The following NAGS variants were observed in gnomAD, a reference collection of about 807,000 sequenced individuals.
The protein encoded by NAGS is N-acetylglutamate synthase, mitochondrial.
A neutral mutation model predicts 46.9 loss-of-function variants in NAGS; 34 were observed. The ratio of observed to expected loss-of-function variants is 0.72; its 90% CI spans 0.55 to 0.97. The LOEUF (loss-of-function observed/expected upper bound fraction) is 0.97. NAGS is among the 50% of genes least tolerant of loss of function. NAGS has a pLI of 0.00. For synonymous variants in NAGS, 334 were observed against 346.3 expected, an observed-to-expected ratio of 0.96 and a Z score of 0.39; for missense variants, 665 against 747.0, an observed-to-expected ratio of 0.89 and a Z score of 1.28.
chr17:44,007,486 C>T lies in NAGS; in HGVS notation c.1260C>T (p.Val420=). The part of the protein sequence containing the change: ...SLRPRLHSIY[V]SEGYNAAAIL... The stretch of plus-strand genomic sequence containing the variant: ...GCCCGCGGCTGCACTCCATCTACGT[C>T]TCCGAGGGGTAAGCCTGCGGACCCC... The change falls in exon 5 of 7, where the codon GTC becomes GTT. Residue 420 remains valine (V), a synonymous_variant. Coordinates refer to ENST00000293404, the MANE Select transcript of NAGS (RefSeq NM_153006.3). The surrounding 1 kb of genome is among the most constrained non-coding windows in gnomAD (Gnocchi z 5.1). The T allele has an allele frequency of 6.2e-7, 1 of 1,613,764 alleles. No homozygotes were observed. The highest frequency in any genetic ancestry group is 8.5e-7 in the Non-Finnish European group (1 of 1,179,978).
Position 44,007,666 on chromosome 17 carries a change from C to T in NAGS, c.1344C>T (p.Ser448=). The T allele has an allele frequency of 1.2e-6, 2 of 1,602,486 alleles. No homozygotes were observed. The highest frequency in any genetic ancestry group is 1.7e-6 in the Non-Finnish European group (2 of 1,174,412). ...CGTACCTGGACAAATTTGTGGTGAG[C>T]TCCAGCCGCCAGGGCCAAGGCTCCG... ...GTPYLDKFVV[S]SSRQGQGSGQ... is the part of the protein sequence containing the mutation. Residue 448 remains serine (S), a synonymous_variant, in exon 6 of 7, where the codon AGC becomes AGT. Coordinates refer to ENST00000293404, the MANE Select transcript of NAGS (RefSeq NM_153006.3). This position sits in a 1 kb window ranked among gnomAD's most constrained non-coding sequence, Gnocchi z 5.1.
Position 44,004,957 on chromosome 17 carries a change from C to T in NAGS, c.294C>T (p.Gly98=). 6.5e-7 allele frequency: 1 copy of T among 1,538,176 alleles called. No individual in the cohort carries two copies. The part of the protein sequence containing the change: ...VPHESPEPPS[G]RSLVQRDIQA... ...ACGAGTCCCCAGAGCCTCCTTCGGGCCGCTCGCTGGTGCAGCGGGACATCC... is the reference window on the plus strand; with the variant it reads ...ACGAGTCCCCAGAGCCTCCTTCGGGTCGCTCGCTGGTGCAGCGGGACATCC... Residue 98 remains glycine, a synonymous_variant, in exon 1 of 7, where the codon GGC becomes GGT. Transcript: ENST00000293404.
At position 44,006,407 on chromosome 17, in the gene NAGS, C is replaced by G; in HGVS notation, c.916-122C>G. The G allele has an allele frequency of 1.3e-6, 2 of 1,486,358 alleles. No homozygotes were observed. The highest frequency in any genetic ancestry group is 1.8e-6 in the Non-Finnish European group (2 of 1,093,640). 92.1% of individuals were successfully genotyped at this position (1,486,358 alleles called of 1,614,324 possible). A position where few individuals can be genotyped will look rare whatever the true frequency, so the allele number is the denominator to read the frequency against. On this transcript the variant is annotated intron_variant, in intron 3 of 6. Coordinates refer to ENST00000293404, the MANE Select transcript of NAGS (RefSeq NM_153006.3). This position sits in a 1 kb window ranked among gnomAD's most constrained non-coding sequence, Gnocchi z 4.8. ...CCTGGGTGCCCAGATCTGCGCCCTCCCTGGCTAAGGACTCCGGGCGGAAGT... is the reference window on the plus strand; with the variant it reads ...CCTGGGTGCCCAGATCTGCGCCCTCGCTGGCTAAGGACTCCGGGCGGAAGT...
In NAGS at chr17:44,005,214, G is replaced by A; in HGVS notation, c.426+125G>A. On this transcript the variant is annotated intron_variant, in intron 1 of 6. Transcript: ENST00000293404. The surrounding 1 kb of genome is among the most constrained non-coding windows in gnomAD (Gnocchi z 7.2). Reference sequence around the variant, plus strand: ...CGGAAGCGGGAAGGAGCCCGGCAGGGCCCAGACCAGCGCCGCCGGGAATGG... The same window carrying A: ...CGGAAGCGGGAAGGAGCCCGGCAGGACCCAGACCAGCGCCGCCGGGAATGG... The A allele has an allele frequency of 6.9e-7, 1 of 1,440,236 alleles. No homozygotes were observed. Among genetic ancestry groups the A allele is most frequent in the Non-Finnish European group, 9.1e-7 (1 of 1,099,170 alleles). The allele number at this position is 1,440,236 out of a possible 1,614,324, so 89.2% of individuals were successfully genotyped here. A position where few individuals can be genotyped will look rare whatever the true frequency, so the allele number is the denominator to read the frequency against.
Position 44,006,464 on chromosome 17 carries a change from C to G in NAGS, c.916-65C>G. The G allele has an allele frequency of 1.9e-6, 3 of 1,540,388 alleles. No individual in the cohort carries two copies. Among genetic ancestry groups the G allele is most frequent in the Non-Finnish European group, 2.6e-6 (3 of 1,141,306 alleles). ...AAAGGGGTCAGAGAAAAGAGAGGTC[C>G]GTGGGGGTAGGGGGGCAGTCCGTGC... is the stretch of plus-strand genomic sequence containing the variant. On this transcript the variant is annotated intron_variant, in intron 3 of 6. Transcript: ENST00000293404. The surrounding 1 kb of genome is among the most constrained non-coding windows in gnomAD (Gnocchi z 4.8).
chr17:44,006,105 C>A lies in NAGS; in HGVS notation c.783C>A (p.Ile261=), dbSNP rs1230274018. 1.2e-6 allele frequency: 2 copies of A among 1,612,752 alleles called. No homozygotes were observed. The highest frequency in any genetic ancestry group is 2.2e-5 in the East Asian group (1 of 44,870). ...GCAGCATCCCCATCCTGTGCCCCATCGGGGAGACGGCCGCGCGCCGCTCCG... is the reference window on the plus strand; with the variant it reads ...GCAGCATCCCCATCCTGTGCCCCATAGGGGAGACGGCCGCGCGCCGCTCCG... The part of the protein sequence containing the change: ...ESGSIPILCP[I]GETAARRSVL... The change falls in exon 3 of 7, where the codon ATC becomes ATA. Residue 261 remains isoleucine, a synonymous_variant. Coordinates refer to ENST00000293404, the MANE Select transcript of NAGS (RefSeq NM_153006.3). The surrounding 1 kb of genome is among the most constrained non-coding windows in gnomAD (Gnocchi z 4.8).
chr17:44,008,382 A>C, intron 6 of NAGS, 66 bp from the exon 7 acceptor site: 3 of 1,575,684 alleles, frequency 1.9e-6, no homozygotes, highest in Non-Finnish European at 2.6e-6. Context: ...TAAAGACAGA[A>C]CCAGTGAGTA....
rs1296765108 is a variant in NAGS at position 44,006,846 on chromosome 17, C to A, written c.1096+137C>A. On this transcript the variant is annotated intron_variant, in intron 4 of 6. Coordinates refer to ENST00000293404, the MANE Select transcript of NAGS (RefSeq NM_153006.3). This position sits in a 1 kb window ranked among gnomAD's most constrained non-coding sequence, Gnocchi z 4.8. ...GAGGCGGGGGGTGTCACAGCAATGG[C>A]TCCTGCTGCTGCCGAAACCCGGGGG... 2 of 917,908 alleles carry A rather than the reference C, an allele frequency of 2.2e-6. No homozygotes were observed. Among genetic ancestry groups the A allele is most frequent in the Non-Finnish European group, 3.2e-6 (2 of 625,134 alleles). 56.9% of individuals were successfully genotyped at this position (917,908 alleles called of 1,614,324 possible).
In NAGS at chr17:44,005,610, G is replaced by A. The variant is rs1426604671; in HGVS notation, c.427-27G>A. The A allele has an allele frequency of 2.5e-6, 4 of 1,606,254 alleles. No individual in the cohort carries two copies. In the South Asian group the frequency reaches 3.3e-5, roughly 13 times the overall value. On this transcript the variant is annotated intron_variant, in intron 1 of 6. Transcript: ENST00000293404. The surrounding 1 kb of genome is among the most constrained non-coding windows in gnomAD (Gnocchi z 7.2). ...AGCCAGCGGCTCAGGTCCGTGTCAC[G>A]CTCCTTGAAAGCCCACTCCTCCGCA...
Position 44,005,926 on chromosome 17 carries a change from T to C in NAGS, c.701+15T>C. The C allele has an allele frequency of 6.5e-7, 1 of 1,547,702 alleles. No individual in the cohort carries two copies. The highest frequency in any genetic ancestry group is 8.7e-7 in the Non-Finnish European group (1 of 1,150,824). On this transcript the variant is annotated intron_variant, in intron 2 of 6. Coordinates refer to ENST00000293404, the MANE Select transcript of NAGS (RefSeq NM_153006.3). This position sits in a 1 kb window ranked among gnomAD's most constrained non-coding sequence, Gnocchi z 7.2. ...CCCCATGCCAGGTGAGTGCCCGCCC[T>C]GCCCGCCCAGGCGTCCTCAGAGCGT...
At position 44,005,507 on chromosome 17, in the gene NAGS, A is replaced by C. The variant is rs2049074042; in HGVS notation, c.427-130A>C. The stretch of plus-strand genomic sequence containing the variant: ...GGGGCAAAGGGCGGAGCAGGTGGGC[A>C]CTGGTGGCCAGAACTGGGTCCTGAC... On this transcript the variant is annotated intron_variant, in intron 1 of 6. Coordinates refer to ENST00000293404, the MANE Select transcript of NAGS (RefSeq NM_153006.3). The surrounding 1 kb of genome is among the most constrained non-coding windows in gnomAD (Gnocchi z 7.2). The C allele has an allele frequency of 3.9e-6, 5 of 1,274,198 alleles. No individual in the cohort carries two copies. Among genetic ancestry groups the C allele is most frequent in the Non-Finnish European group, 5.5e-6 (5 of 911,488 alleles). The allele number at this position is 1,274,198 out of a possible 1,614,324, so 78.9% of individuals were successfully genotyped here. A position where few individuals can be genotyped will look rare whatever the true frequency, so the allele number is the denominator to read the frequency against.
chr17:44,004,885 C>T lies in NAGS; in HGVS notation c.222C>T (p.Val74=), dbSNP rs1263432698. ...CGGACGACGTCTCCCAGTCGCCCGT[C>T]GCCGAGGAGCCGTCGTGGGTGCCGA... ...AGADDVSQSP[V]AEEPSWVPSP... is the part of the protein sequence containing the mutation. Residue 74 remains valine, a synonymous_variant, in exon 1 of 7, where the codon GTC becomes GTT. Transcript: ENST00000293404. 1 of 1,532,248 alleles carries T rather than the reference C, an allele frequency of 6.5e-7. No homozygotes were observed. The highest frequency in any genetic ancestry group is 2.5e-5 in the East Asian group (1 of 40,780). The allele number at this position is 1,532,248 out of a possible 1,614,324, so 94.9% of individuals were successfully genotyped here.
chr17:44,005,231 C>T lies in NAGS; in HGVS notation c.426+142C>T, dbSNP rs886473274. Reference sequence around the variant, plus strand: ...CCGGCAGGGCCCAGACCAGCGCCGCCGGGAATGGGAGAGGCCGTAAGCTCC... The same window carrying T: ...CCGGCAGGGCCCAGACCAGCGCCGCTGGGAATGGGAGAGGCCGTAAGCTCC... On this transcript the variant is annotated intron_variant, in intron 1 of 6. Coordinates refer to ENST00000293404, the MANE Select transcript of NAGS (RefSeq NM_153006.3). The surrounding 1 kb of genome is among the most constrained non-coding windows in gnomAD (Gnocchi z 7.2). 19 of 1,428,334 alleles carry T rather than the reference C, an allele frequency of 1.3e-5. No individual in the cohort carries two copies. The African/African-American group carries it at 2.3e-4, about 17-fold the overall frequency. The allele number at this position is 1,428,334 out of a possible 1,614,324, so 88.5% of individuals were successfully genotyped here. A position where few individuals can be genotyped will look rare whatever the true frequency, so the allele number is the denominator to read the frequency against.
rs1162697855 is a variant in NAGS, at chr17:44,006,520, C to T, written c.916-9C>T. 16 of 1,551,418 alleles carry T rather than the reference C, an allele frequency of 1.0e-5. No individual in the cohort carries two copies. Among genetic ancestry groups the T allele is most frequent in the Non-Finnish European group, 1.2e-5 (14 of 1,147,494 alleles). ...GTGGGCCAGGCTCACCCGCTGACTC[C>T]GGACACAGGTCCTGAGTAACGTGAA... On this transcript the variant is annotated splice_polypyrimidine_tract_variant and intron_variant, in intron 3 of 6. Coordinates refer to ENST00000293404, the MANE Select transcript of NAGS (RefSeq NM_153006.3). The surrounding 1 kb of genome is among the most constrained non-coding windows in gnomAD (Gnocchi z 4.8).
chr17:44,006,839 G>A lies in NAGS; in HGVS notation c.1096+130G>A. The stretch of plus-strand genomic sequence containing the variant: ...GTAGGGGGAGGCGGGGGGTGTCACA[G>A]CAATGGCTCCTGCTGCTGCCGAAAC... On this transcript the variant is annotated intron_variant, in intron 4 of 6. Transcript: ENST00000293404. The surrounding 1 kb of genome is among the most constrained non-coding windows in gnomAD (Gnocchi z 4.8). 2 of 999,940 alleles carry A rather than the reference G, an allele frequency of 2.0e-6. No homozygotes were observed. Among genetic ancestry groups the A allele is most frequent in the South Asian group, 1.7e-5 (1 of 60,504 alleles). The allele number at this position is 999,940 out of a possible 1,614,324, so 61.9% of individuals were successfully genotyped here. A position where few individuals can be genotyped will look rare whatever the true frequency, so the allele number is the denominator to read the frequency against.
Position 44,004,959 on chromosome 17 carries a change from G to C in NAGS, c.296G>C (p.Arg99Pro), listed in dbSNP as rs762740965. 6.5e-7 allele frequency: 1 copy of C among 1,538,478 alleles called. No individual in the cohort carries two copies. The highest frequency in any genetic ancestry group is 1.2e-5 in the South Asian group (1 of 84,178). ...PHESPEPPSG[R>P]SLVQRDIQAF... ...GAGTCCCCAGAGCCTCCTTCGGGCC[G>C]CTCGCTGGTGCAGCGGGACATCCAG... is the stretch of plus-strand genomic sequence containing the variant. The change falls in exon 1 of 7, where the codon CGC (arginine) becomes CCC (proline). Residue 99 changes from arginine (R) to proline (P), a missense_variant. Transcript: ENST00000293404.
Position 44,006,705 on chromosome 17 carries a change from C to A in NAGS, c.1092C>A (p.Asn364Lys), listed in dbSNP as rs1199051701. 2 of 1,603,428 alleles carry A rather than the reference C, an allele frequency of 1.2e-6. No homozygotes were observed. The highest frequency in any genetic ancestry group is 1.7e-6 in the Non-Finnish European group (2 of 1,173,168). The change falls in exon 4 of 7, where the codon AAC becomes AAA. Residue 364 changes from asparagine (N) to lysine (K), a missense_variant. By Grantham distance (94) the Asn-to-Lys change is moderately conservative (BLOSUM62 0). Transcript: ENST00000293404. This position sits in a 1 kb window ranked among gnomAD's most constrained non-coding sequence, Gnocchi z 4.8. The stretch of plus-strand genomic sequence containing the variant: ...CGCTGCTCACTGAGCTCTTTAGCAA[C>A]AAGGGTGAGGGCGGTGGGCGGGCCG... ...ASTLLTELFSNKGSGTLFKNA... is the reference protein window; with the variant it reads ...ASTLLTELFSKKGSGTLFKNA...
chr17:44,005,140 C>T lies in NAGS; in HGVS notation c.426+51C>T, dbSNP rs1294626328. On this transcript the variant is annotated intron_variant, in intron 1 of 6. Transcript: ENST00000293404. The surrounding 1 kb of genome is among the most constrained non-coding windows in gnomAD (Gnocchi z 7.2). ...GACGCAGCGAGGGGATGGGGTTGTGCGGCCACCTGTCCTCAGGCATGGCAG... is the reference window on the plus strand; with the variant it reads ...GACGCAGCGAGGGGATGGGGTTGTGTGGCCACCTGTCCTCAGGCATGGCAG... 3.3e-6 allele frequency: 5 copies of T among 1,528,512 alleles called. No homozygotes were observed. Among genetic ancestry groups the T allele is most frequent in the Non-Finnish European group, 3.5e-6 (4 of 1,139,156 alleles). 94.7% of individuals were successfully genotyped at this position (1,528,512 alleles called of 1,614,324 possible).
In NAGS at chr17:44,005,999, C is replaced by T. The variant is rs761189749; in HGVS notation, c.702-25C>T. ...GTCCGGCAGGCCTGGAGGGGGCCCT[C>T]TCGAGCACCACGTCTGGCCCACAGC... is the stretch of plus-strand genomic sequence containing the variant. On this transcript the variant is annotated intron_variant, in intron 2 of 6. Transcript: ENST00000293404. This position sits in a 1 kb window ranked among gnomAD's most constrained non-coding sequence, Gnocchi z 7.2. 7.6e-6 allele frequency: 12 copies of T among 1,578,996 alleles called. No homozygotes were observed. The highest frequency in any genetic ancestry group is 2.3e-5 in the East Asian group (1 of 42,644).
Sources: allele counts gnomAD v4.1 joint callset, GRCh38; gene constraint gnomAD v4.1.1; non-coding constraint Gnocchi (gnomAD v3.1); transcripts MANE v1.5; gene names NCBI Gene and HGNC (gene_info 2026-07-23, HGNC 2026-07-21).